The following FLVCR1 variants were observed in gnomAD, a reference collection of about 807,000 sequenced individuals.
FLVCR1 encodes FLVCR choline and heme transporter 1.
FLVCR1 carries 34 observed loss-of-function variants against 53.6 expected under a neutral mutation model. The observed-to-expected ratio is 0.63, with a 90% CI of 0.48 to 0.84. The LOEUF (loss-of-function observed/expected upper bound fraction) is 0.84. Ranked by LOEUF, FLVCR1 falls within the 40% of genes least tolerant of loss-of-function variation. The pLI is 0.00. For synonymous variants in FLVCR1, 300 were observed against 286.3 expected, an observed-to-expected ratio of 1.05 and a Z score of -0.48; for missense variants, 677 against 696.7, an observed-to-expected ratio of 0.97 and a Z score of 0.32.
intron 3 of FLVCR1, among the ~76,000 whole-genome samples, chr1:212,879,932 T>C (rs1405392748): frequency 2.0e-5 from 3 of 152,036 alleles, no homozygotes; most frequent in Non-Finnish European, 4.4e-5. Context: ...CTGTTTGCTC[T>C]CTGAAACTTA....
At position 212,872,897 on chromosome 1, in the gene FLVCR1, GT is replaced by G. The variant is rs560625735; in HGVS notation, c.1024+82del. The G allele has an allele frequency of 9.5e-5, 144 of 1,509,282 alleles. 4 individuals are homozygous for G. The South Asian group carries it at 1.6e-3, about 17-fold the overall frequency. The allele number at this position is 1,509,282 out of a possible 1,614,324, so 93.5% of individuals were successfully genotyped here. On this transcript the variant is annotated intron_variant, in intron 3 of 9. Coordinates refer to ENST00000366971, the MANE Select transcript of FLVCR1 (RefSeq NM_014053.4). ...TGGATTCTTTTCATTTAACCTAGTG[GT>G]TTGAACTTCAATGAGATTGGCCTGT...
chr1:212,882,253 G>A (rs1033316707), intron 3 of FLVCR1, among the ~76,000 whole-genome samples: 3 of 152,124 alleles, frequency 2.0e-5, no homozygotes, highest in African/African-American at 7.2e-5. Context: ...TTGACAGGAC[G>A]AGATAATTAA....
chr1:212,890,745 C>G (rs1349836200), intron 8 of FLVCR1, among the ~76,000 whole-genome samples: 4 of 152,190 alleles, frequency 2.6e-5, no homozygotes, highest in Non-Finnish European at 5.9e-5. Flanking sequence ...GAGAATCTAT[C>G]AGAAGGATGT....
intron 8 of FLVCR1, 53 bp from the exon 9 acceptor site, chr1:212,894,933 T>C: frequency 8.0e-7 from 1 of 1,256,588 alleles, no homozygotes; most frequent in East Asian, 2.3e-5. Flanking sequence ...AGCTGCTTTT[T>C]AAAAAAATCT....
rs1164572739 is a variant in FLVCR1, at chr1:212,858,758, G to A, written c.306G>A (p.Ala102=). Residue 102 remains alanine, a synonymous_variant, in exon 1 of 10, where the codon GCG becomes GCA. Transcript: ENST00000366971. ...AGAGCAGCCCGCTGCCCCTTACGGC[G>A]CTCTCCCCGCGGCGCTTCGTGGTGC... ...GAESSPLPLT[A]LSPRRFVVLL... is the part of the protein sequence containing the mutation. 7 of 1,613,630 alleles carry A rather than the reference G, an allele frequency of 4.3e-6. No homozygotes were observed. The highest frequency in any genetic ancestry group is 1.7e-5 in the Admixed American group (1 of 60,012).
intron 1 of FLVCR1, among the ~76,000 whole-genome samples, chr1:212,860,349 G>GTTTTTTTTTTTTTTTTTTT (rs1436823234): frequency 8.8e-5 from 5 of 56,636 alleles, no homozygotes; most frequent in Admixed American, 8.2e-4. Flanking sequence ...TTGTGTGTGT[G>GTTTTTTTTTTTTTTTTTTT]GTTTTTTTTT....
intron 2 of FLVCR1, among the ~76,000 whole-genome samples, chr1:212,869,112 C>T (rs1033666631): frequency 6.6e-6 from 1 of 152,182 alleles, no homozygotes; most frequent in African/African-American, 2.4e-5. Flanking sequence ...TAGCCCTAAA[C>T]AGCAATAGAT....
Position 212,859,132 on chromosome 1 carries a change from T to C in FLVCR1, c.680T>C (p.Val227Ala), listed in dbSNP as rs746015229. The C allele has an allele frequency of 3.1e-6, 5 of 1,613,908 alleles. No homozygotes were observed. The South Asian group carries it at 5.5e-5, about 18-fold the overall frequency. The stretch of plus-strand genomic sequence containing the variant: ...GGCTTGCCCTCCCGCATCGCCTCAG[T>C]GTGGTTTGGGCCCAAAGAGGTGTCC... ...ILGLPSRIAS[V>A]WFGPKEVSTA... Residue 227 changes from valine to alanine, a missense_variant, in exon 1 of 10, where the codon GTG (valine) becomes GCG (alanine). Physicochemically the swap from Val to Ala is moderately conservative, Grantham distance 64 (BLOSUM62 0). Transcript: ENST00000366971.
intron 3 of FLVCR1, among the ~76,000 whole-genome samples, chr1:212,875,161 T>C (rs1664720439): frequency 6.6e-6 from 1 of 152,212 alleles, no homozygotes. Flanking sequence ...GTGCTCTAGA[T>C]GCCTTGTGGC....
intron 2 of FLVCR1, chr1:212,864,266 C>G: frequency 3.6e-6 from 1 of 275,230 alleles, no homozygotes; most frequent in Non-Finnish European, 7.1e-6. Flanking sequence ...TCTGGTAATG[C>G]TAAATTCTCC....
chr1:212,861,884 A>G lies in FLVCR1; in HGVS notation c.739-1841A>G, dbSNP rs1040004809. Among the ~76,000 whole-genome samples the G allele has an allele frequency of 1.1e-4, 16 of 152,044 alleles. 1 individual carries two copies. In the East Asian group the frequency reaches 2.9e-3, roughly 28 times the overall value. On this transcript the variant is annotated intron_variant, in intron 1 of 9. Transcript: ENST00000366971. The stretch of plus-strand genomic sequence containing the variant: ...ACTGGGTTTCACCATGTTAGCCAGG[A>G]TGGTCTCGATCTCCTGACCTCGTGA...
chr1:212,883,812 C>T (rs1454006130), intron 4 of FLVCR1, among the ~76,000 whole-genome samples: 1 of 149,298 alleles, frequency 6.7e-6, no homozygotes, highest in Non-Finnish European at 1.5e-5. Flanking sequence ...GGGACTGGGC[C>T]CCATCTGATA....
At chr1:212,890,611 A>G (rs192836257) in intron 8 of FLVCR1, among the ~76,000 whole-genome samples, 6 of 152,192 alleles carry the variant, frequency 3.9e-5, no homozygotes, top group African/African-American at 1.4e-4. Flanking sequence ...AAAGGCCTTG[A>G]GCATTCGTGG....
At chr1:212,863,635 A>T in intron 1 of FLVCR1, 90 bp from the exon 2 acceptor site, 1 of 1,159,834 alleles carries the variant, frequency 8.6e-7, no homozygotes, top group Non-Finnish European at 1.3e-6. Flanking sequence ...CTTTATAAAC[A>T]CTAGCTGTCC....
chr1:212,882,236 G>A (rs919056231), intron 3 of FLVCR1, among the ~76,000 whole-genome samples: 1 of 152,132 alleles, frequency 6.6e-6, no homozygotes, highest in Non-Finnish European at 1.5e-5. Context: ...AAACCCTTAA[G>A]TGTCTATTGA....
At chr1:212,867,859 A>G (rs1397159489) in intron 2 of FLVCR1, among the ~76,000 whole-genome samples, 1 of 149,462 alleles carries the variant, frequency 6.7e-6, no homozygotes, top group Non-Finnish European at 1.5e-5. Context: ...GCAGGAGTAC[A>G]GTGGCGCGAT....
At chr1:212,867,281 T>C (rs558576342) in intron 2 of FLVCR1, among the ~76,000 whole-genome samples, 1 of 152,372 alleles carries the variant, frequency 6.6e-6, no homozygotes, top group East Asian at 1.9e-4. Flanking sequence ...TTCACACTAA[T>C]ACCCTATTCC....
chr1:212,886,754 A>G (rs183300806), intron 5 of FLVCR1, among the ~76,000 whole-genome samples: 2 of 152,224 alleles, frequency 1.3e-5, no homozygotes, highest in East Asian at 3.9e-4. Context: ...GAGCTGAGAT[A>G]GCGTGCCACT....
intron 3 of FLVCR1, among the ~76,000 whole-genome samples, chr1:212,877,654 A>T (rs1263263448): frequency 7.0e-6 from 1 of 142,344 alleles, no homozygotes; most frequent in Non-Finnish European, 1.5e-5. Context: ...ATTTTCTCCC[A>T]TTCTGTAAGT....
Sources: gnomAD v4.1 joint callset for allele counts (sites outside exome capture counted in the v4.1 genomes callset) on GRCh38, gnomAD v4.1.1 for gene constraint, MANE v1.5 for transcripts, NCBI Gene and HGNC (gene_info 2026-07-23, HGNC 2026-07-21) for gene names.